Variants in KLRG1 observed in about 807,000 individuals in gnomAD.
KLRG1 encodes the protein killer cell lectin-like receptor subfamily G member 1.
A neutral mutation model predicts 21.8 loss-of-function variants in KLRG1; 16 were observed. The observed-to-expected ratio is 0.73, with a 90% CI of 0.50 to 1.11. KLRG1 has a LOEUF of 1.11. Ranked by LOEUF, KLRG1 falls within the 50% of genes most tolerant of loss-of-function variation. The pLI, the probability that KLRG1 is intolerant of heterozygous loss-of-function variation, is 0.00. For missense variants in KLRG1, 173 were observed against 218.3 expected (o/e 0.79, Z 1.31); for synonymous variants, 69 against 75.9 (o/e 0.91, Z 0.47).
chr12:9,003,965 G>A (rs1171636405), intron 3 of KLRG1, among the ~76,000 whole-genome samples: 9 of 146,820 alleles, frequency 6.1e-5, no homozygotes, highest in Non-Finnish European at 1.3e-4. Flanking sequence ...TTGGTTTTTT[G>A]TCCTTGCGAT....
At chr12:9,195,611 A>ATTTTTTTT in the KLRG1 span, among the ~76,000 whole-genome samples, 1 of 104,248 alleles carries the variant, frequency 9.6e-6, no homozygotes, top group Non-Finnish European at 1.9e-5. Flanking sequence ...CCCACTGCTA[A>ATTTTTTTT]TTTTTTTTTT....
intron 3 of KLRG1, among the ~76,000 whole-genome samples, chr12:8,997,318 C>G (rs1947163219): frequency 6.6e-6 from 1 of 152,106 alleles, no homozygotes; most frequent in South Asian, 2.1e-4. Flanking sequence ...TGGTTTAATT[C>G]TTTTTCTTGC....
the KLRG1 span, chr12:9,069,950 G>A: frequency 6.6e-5 from 45 of 685,456 alleles, no homozygotes; most frequent in African/African-American, 7.3e-4. Flanking sequence ...AATATATAAT[G>A]TAATACAATT....
chr12:9,149,498 G>A, the KLRG1 span: 1 of 1,459,922 alleles, frequency 6.8e-7, no homozygotes, highest in Non-Finnish European at 9.4e-7. Context: ...AATTTAAATT[G>A]CAGGGGCCCT....
the KLRG1 span, chr12:9,089,763 A>T: frequency 5.3e-5 from 36 of 678,480 alleles, no homozygotes; most frequent in Non-Finnish European, 7.1e-5. Flanking sequence ...AAAAACCCCC[A>T]ACAAAACAGA....
At chr12:9,014,941 T>C (rs1373556816), downstream of KLRG1, among the ~76,000 whole-genome samples, 4 of 152,238 alleles carry the variant, frequency 2.6e-5, no homozygotes, top group East Asian at 1.9e-4. Flanking sequence ...TTGTCATCAG[T>C]TTAAAATAAT....
chr12:9,022,788 G>A, the KLRG1 span, among the ~76,000 whole-genome samples: 12 of 152,064 alleles, frequency 7.9e-5, no homozygotes, highest in Admixed American at 6.6e-5. Flanking sequence ...TTGATCAATG[G>A]CCATCAATGA....
the KLRG1 span, among the ~76,000 whole-genome samples, chr12:9,174,750 A>G: frequency 6.6e-6 from 1 of 152,202 alleles, no homozygotes; most frequent in Non-Finnish European, 1.5e-5. Context: ...AATACAGCTA[A>G]CAAGGGAAGT....
At chr12:9,165,401 T>A in the KLRG1 span, 1 of 1,610,180 alleles carries the variant, frequency 6.2e-7, no homozygotes. Flanking sequence ...ACAGAAATAA[T>A]GAATGTAAGC....
At chr12:9,165,172 G>A in the KLRG1 span, 3 of 1,613,968 alleles carry the variant, frequency 1.9e-6, no homozygotes, top group African/African-American at 4.0e-5. Context: ...TTAGGACCGT[G>A]GCCTTGAGTG....
chr12:9,204,156 T>C, the KLRG1 span, among the ~76,000 whole-genome samples: 5 of 152,330 alleles, frequency 3.3e-5, no homozygotes, highest in East Asian at 9.6e-4. Context: ...CCACACAATC[T>C]GGAGCCATAC....
chr12:9,012,867 G>A (rs1021035090), downstream of KLRG1, among the ~76,000 whole-genome samples: 11 of 152,080 alleles, frequency 7.2e-5, no homozygotes, highest in African/African-American at 2.4e-4. Context: ...ATTAGTGATA[G>A]CCAGGTAGTG....
chr12:9,154,357 A>G, the KLRG1 span, among the ~76,000 whole-genome samples: 3 of 152,234 alleles, frequency 2.0e-5, no homozygotes, highest in African/African-American at 4.8e-5. Flanking sequence ...AATGTGTCCA[A>G]TGACCATAGC....
At chr12:9,080,312 C>T in the KLRG1 span, 5 of 486,818 alleles carry the variant, frequency 1.0e-5, no homozygotes, top group African/African-American at 8.0e-5. Context: ...TTTAATACAA[C>T]AGTAATATAT....
the KLRG1 span, among the ~76,000 whole-genome samples, chr12:9,183,261 A>G: frequency 6.6e-6 from 1 of 152,190 alleles, no homozygotes; most frequent in Non-Finnish European, 1.5e-5. Flanking sequence ...TTTTTGTCAA[A>G]TGAGTGCATT....
At position 9,005,363 on chromosome 12, in the gene KLRG1, GAAAT is replaced by G. The variant is rs769230765; in HGVS notation, c.358-3608_358-3605del. Among the ~76,000 whole-genome samples the G allele has an allele frequency of 2.8e-3, 431 of 152,182 alleles. 5 individuals are homozygous for G. Among genetic ancestry groups the G allele is most frequent in the African/African-American group, 0.01 (416 of 41,522 alleles). On this transcript the variant is annotated intron_variant, in intron 3 of 4. Coordinates refer to ENST00000356986, the MANE Select transcript of KLRG1 (RefSeq NM_005810.4). ...AACTTAAAGTATAATAATAAAAAAT[GAAAT>G]AAAGAAAATGTGTATGTATACACCA...
the KLRG1 span, chr12:9,069,081 G>C: frequency 1.4e-5 from 5 of 345,684 alleles, no homozygotes; most frequent in Non-Finnish European, 2.6e-5. Context: ...CTCTGTTCAT[G>C]GGGGTAAATG....
the KLRG1 span, among the ~76,000 whole-genome samples, chr12:9,119,239 C>T: frequency 0.17 from 25,212 of 152,002 alleles, 2,238 homozygotes; most frequent in African/African-American, 0.22. Flanking sequence ...GTTTCTAAGA[C>T]GCTAGAAATA....
intron 2 of KLRG1, among the ~76,000 whole-genome samples, chr12:8,993,243 G>T (rs752572418): frequency 9.2e-5 from 14 of 151,938 alleles, no homozygotes; most frequent in Non-Finnish European, 1.9e-4. Flanking sequence ...TTTAGGGGAT[G>T]ATAGTGACCG....
Sources: gnomAD v4.1 joint callset for allele counts (sites outside exome capture counted in the v4.1 genomes callset) on GRCh38, gnomAD v4.1.1 for gene constraint, MANE v1.5 for transcripts, NCBI Gene and HGNC (gene_info 2026-07-23, HGNC 2026-07-21) for gene names.